DLC1: variants seen among roughly 807,000 people sequenced by gnomAD.
The protein encoded by DLC1 is DLC1 Rho GTPase activating protein.
In DLC1, 54 loss-of-function variants were observed where a neutral mutation model predicts 140.3. That is an observed-to-expected ratio of 0.38 (90% CI 0.31 to 0.48). DLC1 has a LOEUF of 0.48. Ranked by LOEUF, DLC1 falls within the 20% of genes least tolerant of loss-of-function variation. The pLI is 0.96. For missense variants in DLC1, 2,536 were observed against 1,907.0 expected (o/e 1.33, Z -6.14); for synonymous variants, 986 against 728.1 (o/e 1.35, Z -5.70).
intron 4 of DLC1, among the ~76,000 whole-genome samples, chr8:13,320,385 G>C (rs1833047911): frequency 6.6e-6 from 1 of 151,898 alleles, no homozygotes; most frequent in Non-Finnish European, 1.5e-5. Context: ...CTTTGTACTG[G>C]GTACCACTTC....
chr8:13,206,355 T>G (rs550977237), intron 5 of DLC1, among the ~76,000 whole-genome samples: 1 of 152,292 alleles, frequency 6.6e-6, no homozygotes, highest in South Asian at 2.1e-4. Flanking sequence ...TAACAAATTA[T>G]GTCATGTAAA....
At chr8:13,390,127 A>C (rs17216264) in intron 4 of DLC1, among the ~76,000 whole-genome samples, 2,557 of 152,214 alleles carry the variant, frequency 0.017, 32 homozygotes, top group Non-Finnish European at 0.025. Context: ...CAACCATAAA[A>C]TTGATCCATG....
At chr8:13,330,096 C>T (rs1833525681) in intron 4 of DLC1, among the ~76,000 whole-genome samples, 1 of 152,112 alleles carries the variant, frequency 6.6e-6, no homozygotes, top group Non-Finnish European at 1.5e-5. Flanking sequence ...TCCTCAGTAG[C>T]TGGGACTACA....
intron 5 of DLC1, among the ~76,000 whole-genome samples, chr8:13,168,073 G>A (rs1825223442): frequency 6.6e-6 from 1 of 151,962 alleles, no homozygotes; most frequent in African/African-American, 2.4e-5. Flanking sequence ...GTCTCAGATT[G>A]GCCTCTCTAA....
intron 4 of DLC1, among the ~76,000 whole-genome samples, chr8:13,319,819 C>CTTTTTTTTTTTTTTTTTTTTTTTT (rs547737556): frequency 1.3e-5 from 1 of 76,150 alleles, no homozygotes; most frequent in Non-Finnish European, 2.3e-5. Context: ...TTCTCTCTCT[C>CTTTTTTTTTTTTTTTTTTTTTTTT]TCTTTTTTTT....
chr8:13,531,666 T>G (rs997607546), intron 1 of DLC1, among the ~76,000 whole-genome samples: 1 of 152,282 alleles, frequency 6.6e-6, no homozygotes, highest in African/African-American at 2.4e-5. Flanking sequence ...TAGGTGGAAT[T>G]TGAGGAATTA....
At chr8:13,208,627 A>G (rs553882039) in intron 5 of DLC1, among the ~76,000 whole-genome samples, 2 of 152,190 alleles carry the variant, frequency 1.3e-5, no homozygotes, top group Admixed American at 6.6e-5. Flanking sequence ...AGAATTTCAG[A>G]TCAAGTATGA....
chr8:13,600,779 C>G (rs1470467653), intron 1 of DLC1, among the ~76,000 whole-genome samples: 1 of 151,560 alleles, frequency 6.6e-6, no homozygotes, highest in Non-Finnish European at 1.5e-5. Context: ...AGTGAAATTC[C>G]TTCTCAGTTT....
intron 4 of DLC1, chr8:13,342,605 T>C (rs542035145): frequency 1.3e-5 from 2 of 152,326 alleles, no homozygotes; most frequent in East Asian, 3.9e-4. Flanking sequence ...GACCGCAACA[T>C]AGAAATCCTG....
At chr8:13,330,722 G>T (rs1392696911) in intron 4 of DLC1, among the ~76,000 whole-genome samples, 1 of 152,138 alleles carries the variant, frequency 6.6e-6, no homozygotes, top group African/African-American at 2.4e-5. Context: ...CAGGGGTTAG[G>T]ATTACTACAT....
chr8:13,092,944 T>C lies in DLC1; in HGVS notation c.3527-119A>G, dbSNP rs1048534633. ...CAGCCCAGTACTGAACAAGCACTTG[T>C]AGAAAGTGCACTAGAGGTTAATACG... On this transcript the variant is annotated intron_variant, in intron 12 of 17. Transcript: ENST00000276297. 2.0e-5 allele frequency: 22 copies of C among 1,097,174 alleles called. No homozygotes were observed. In the East Asian group the frequency reaches 3.9e-4, roughly 20 times the overall value. The allele number at this position is 1,097,174 out of a possible 1,614,324, so 68.0% of individuals were successfully genotyped here.
chr8:13,215,379 A>C (rs1213361344), intron 5 of DLC1, among the ~76,000 whole-genome samples: 1 of 152,174 alleles, frequency 6.6e-6, no homozygotes, highest in African/African-American at 2.4e-5. Context: ...TGTGGTCAGG[A>C]GTTTGAGACC....
At chr8:13,131,476 C>G (rs1822073299) in intron 5 of DLC1, among the ~76,000 whole-genome samples, 2 of 152,206 alleles carry the variant, frequency 1.3e-5, no homozygotes, top group Admixed American at 6.5e-5. Context: ...CCGAAACAAC[C>G]TCTGAATCCT....
chr8:13,546,086 A>T (rs1302012180), intron 1 of DLC1, among the ~76,000 whole-genome samples: 3 of 152,118 alleles, frequency 2.0e-5, no homozygotes, highest in Non-Finnish European at 1.5e-5. Flanking sequence ...CTTATCTATT[A>T]TAAAGTCAAA....
intron 5 of DLC1, among the ~76,000 whole-genome samples, chr8:13,298,193 C>T (rs779034526): frequency 7.2e-5 from 11 of 152,088 alleles, no homozygotes; most frequent in Non-Finnish European, 1.2e-4. Flanking sequence ...CATTTTATGG[C>T]CAACCAAATA....
At chr8:13,356,296 A>G (rs2117054359) in intron 4 of DLC1, among the ~76,000 whole-genome samples, 1 of 152,210 alleles carries the variant, frequency 6.6e-6, no homozygotes, top group East Asian at 1.9e-4. Context: ...TGAACTCAGA[A>G]GTCATCCAGT....
intron 2 of DLC1, among the ~76,000 whole-genome samples, chr8:13,481,513 C>G (rs903215531): frequency 2.4e-4 from 36 of 152,156 alleles, no homozygotes; most frequent in African/African-American, 8.2e-4. Context: ...AAGCTAAATA[C>G]TGGAAGAAGA....
chr8:13,271,256 A>G (rs1830919789), intron 5 of DLC1, among the ~76,000 whole-genome samples: 1 of 152,190 alleles, frequency 6.6e-6, no homozygotes, highest in Non-Finnish European at 1.5e-5. Flanking sequence ...GAGGCTGCAT[A>G]TTTTGAGGCC....
At chr8:13,139,863 C>A (rs551641873) in intron 5 of DLC1, among the ~76,000 whole-genome samples, 1 of 152,130 alleles carries the variant, frequency 6.6e-6, no homozygotes, top group Admixed American at 6.5e-5. Context: ...GGCTACTTTC[C>A]CATTGAATTA....
Sources: gnomAD v4.1 joint callset for allele counts (sites outside exome capture counted in the v4.1 genomes callset) on GRCh38, gnomAD v4.1.1 for gene constraint, MANE v1.5 for transcripts, NCBI Gene and HGNC (gene_info 2026-07-23, HGNC 2026-07-21) for gene names.